RNF216: variants seen among roughly 807,000 people sequenced by gnomAD.
RNF216 encodes the protein E3 ubiquitin-protein ligase RNF216.
Under a neutral mutation model 110.8 loss-of-function variants are expected in RNF216, and 72 were observed. That is an observed-to-expected ratio of 0.65 (90% CI 0.54 to 0.79). RNF216 has a LOEUF of 0.79. Ranked by LOEUF, RNF216 falls within the 30% of genes least tolerant of loss-of-function variation. The pLI, the probability that RNF216 is intolerant of heterozygous loss-of-function variation, is 0.00. For synonymous variants in RNF216, 495 were observed against 407.5 expected, an observed-to-expected ratio of 1.21 and a Z score of -2.59; for missense variants, 1,342 against 1,141.2, an observed-to-expected ratio of 1.18 and a Z score of -2.54.
intron 1 of RNF216, among the ~76,000 whole-genome samples, chr7:5,771,260 A>G (rs1796480727): frequency 6.6e-6 from 1 of 152,204 alleles, no homozygotes; most frequent in Non-Finnish European, 1.5e-5. Context: ...CACAAAAACA[A>G]TTTTAGATAA....
chr7:5,664,720 C>T (rs530502490), intron 13 of RNF216, among the ~76,000 whole-genome samples: 1 of 152,230 alleles, frequency 6.6e-6, no homozygotes, highest in South Asian at 2.1e-4. Flanking sequence ...CACTGGCCAG[C>T]ATTCTCCTCT....
At chr7:5,717,113 G>T (rs1164268816) in intron 9 of RNF216, among the ~76,000 whole-genome samples, 1 of 152,206 alleles carries the variant, frequency 6.6e-6, no homozygotes, top group Non-Finnish European at 1.5e-5. Flanking sequence ...CAGCACTTTG[G>T]AAGGCCGAGG....
intron 15 of RNF216, among the ~76,000 whole-genome samples, chr7:5,638,984 G>C (rs1787570018): frequency 6.6e-6 from 1 of 151,958 alleles, no homozygotes; most frequent in South Asian, 2.1e-4. Flanking sequence ...GTCCATTTTT[G>C]AGTTGAGGTG....
At chr7:5,627,736 ACT>A (rs1353810320) in intron 15 of RNF216, among the ~76,000 whole-genome samples, 2 of 148,286 alleles carry the variant, frequency 1.3e-5, no homozygotes, top group East Asian at 3.9e-4. Context: ...ACAGAGGGAG[ACT>A]CTGTCTAAAA....
intron 1 of RNF216, among the ~76,000 whole-genome samples, chr7:5,763,487 A>C (rs1370471938): frequency 1.3e-5 from 2 of 152,078 alleles, no homozygotes; most frequent in East Asian, 3.9e-4. Context: ...AAAATTAGCC[A>C]GGCGTGGTGG....
At chr7:5,728,429 C>G (rs1227953089) in intron 7 of RNF216, among the ~76,000 whole-genome samples, 1 of 151,918 alleles carries the variant, frequency 6.6e-6, no homozygotes, top group African/African-American at 2.4e-5. Flanking sequence ...AAAATACCAA[C>G]CAGGCGCGGT....
At chr7:5,656,704 T>C (rs6971289) in intron 13 of RNF216, among the ~76,000 whole-genome samples, 6,405 of 152,330 alleles carry the variant, frequency 0.042, 179 homozygotes, top group East Asian at 0.091. Flanking sequence ...TGGCTGTTCA[T>C]GAGGTCTTCA....
intron 1 of RNF216, among the ~76,000 whole-genome samples, chr7:5,768,204 A>G (rs750408648): frequency 6.6e-6 from 1 of 150,664 alleles, no homozygotes; most frequent in Non-Finnish European, 1.5e-5. Flanking sequence ...TAATCCTAGC[A>G]CTTTGGGAGG....
intron 5 of RNF216, among the ~76,000 whole-genome samples, chr7:5,735,145 C>CA (rs1387647453): frequency 5.3e-5 from 8 of 151,170 alleles, no homozygotes; most frequent in African/African-American, 1.2e-4. Flanking sequence ...GACTTCGTCT[C>CA]AAAAAAAATA....
At chr7:5,660,849 T>C (rs912288410) in intron 13 of RNF216, among the ~76,000 whole-genome samples, 1 of 149,940 alleles carries the variant, frequency 6.7e-6, no homozygotes, top group Non-Finnish European at 1.5e-5. Context: ...GGATTACTGA[T>C]GTGAGCCACC....
intron 14 of RNF216, among the ~76,000 whole-genome samples, chr7:5,647,667 G>A (rs1788137832): frequency 6.6e-6 from 1 of 152,018 alleles, no homozygotes; most frequent in Non-Finnish European, 1.5e-5. Flanking sequence ...GGTTCTTTGG[G>A]TTAGCTCGTA....
At chr7:5,747,605 G>A (rs769810156) in intron 3 of RNF216, among the ~76,000 whole-genome samples, 11 of 151,832 alleles carry the variant, frequency 7.2e-5, no homozygotes, top group Non-Finnish European at 1.5e-4. Flanking sequence ...AGAGACAAAG[G>A]TCATGCACGG....
At chr7:5,776,926 G>A (rs1365844118) in intron 1 of RNF216, among the ~76,000 whole-genome samples, 3 of 139,818 alleles carry the variant, frequency 2.1e-5, no homozygotes, top group African/African-American at 5.3e-5. Flanking sequence ...AAGAGAGAGA[G>A]AAAAAGAGAG....
intron 13 of RNF216, among the ~76,000 whole-genome samples, chr7:5,656,982 A>G (rs1042514171): frequency 2.0e-5 from 3 of 152,256 alleles, no homozygotes; most frequent in African/African-American, 7.2e-5. Flanking sequence ...CTGAGCCCAC[A>G]GGCCAAAGTC....
At chr7:5,746,104 C>A (rs545946381) in intron 3 of RNF216, among the ~76,000 whole-genome samples, 1 of 152,240 alleles carries the variant, frequency 6.6e-6, no homozygotes, top group East Asian at 1.9e-4. Context: ...CGGCTAACTC[C>A]CTTTTTTGGG....
intron 13 of RNF216, among the ~76,000 whole-genome samples, chr7:5,692,997 T>C (rs188739071): frequency 3.5e-3 from 534 of 152,350 alleles, no homozygotes; most frequent in Admixed American, 5.0e-3. Flanking sequence ...TAAGACACAA[T>C]TGTGGGCATA....
In RNF216 at chr7:5,779,207, T is replaced by C. The variant is rs537685554; in HGVS notation, c.-70+2334A>G. On this transcript the variant is annotated intron_variant, in intron 1 of 16. Transcript: ENST00000389902. ...CAAATACCAGCTCTCTCAACTATCC[T>C]ATTCATCAACTTTCGATCTGCCTCA... Among the ~76,000 whole-genome samples the C allele has an allele frequency of 2.3e-4, 35 of 152,344 alleles. No homozygotes were observed. In the South Asian group the frequency reaches 7.2e-3, roughly 32 times the overall value.
At chr7:5,727,702 C>T (rs564022202) in intron 7 of RNF216, among the ~76,000 whole-genome samples, 3 of 152,216 alleles carry the variant, frequency 2.0e-5, no homozygotes, top group South Asian at 2.1e-4. Flanking sequence ...GTACTCCAGC[C>T]TGGGTGAGAG....
chr7:5,722,458 C>T (rs1441668298), intron 8 of RNF216, among the ~76,000 whole-genome samples: 7 of 150,562 alleles, frequency 4.6e-5, no homozygotes, highest in Non-Finnish European at 7.4e-5. Flanking sequence ...GGTGCGATCT[C>T]GGCTCACTGT....
Sources: allele counts gnomAD v4.1 joint callset (sites outside exome capture counted in the v4.1 genomes callset), GRCh38; gene constraint gnomAD v4.1.1; transcripts MANE v1.5; gene names NCBI Gene and HGNC (gene_info 2026-07-23, HGNC 2026-07-21).